The following TMEM220 variants were observed in gnomAD, a reference collection of about 807,000 sequenced individuals.
TMEM220 encodes transmembrane protein 220.
In TMEM220, 21 loss-of-function variants were observed where a neutral mutation model predicts 21.7. That is an observed-to-expected ratio of 0.97 (90% CI 0.69 to 1.39). The LOEUF (loss-of-function observed/expected upper bound fraction) is 1.39. Among genes scored for constraint, TMEM220 ranks in the 40% most tolerant of loss-of-function variants. TMEM220 has a pLI of 0.00. For missense variants in TMEM220, 191 were observed against 201.9 expected (o/e 0.95, Z 0.33); for synonymous variants, 80 against 73.6 (o/e 1.09, Z -0.45).
At chr17:10,725,221 C>A in intron 3 of TMEM220, 87 bp from the exon 4 acceptor site, 1 of 1,553,600 alleles carries the variant, frequency 6.4e-7, no homozygotes, top group South Asian at 1.2e-5. Flanking sequence ...TTGCCATAGT[C>A]TGCTTTCAGA....
downstream of TMEM220, among the ~76,000 whole-genome samples, chr17:10,711,624 T>C (rs1397830711): frequency 2.0e-5 from 3 of 152,216 alleles, no homozygotes; most frequent in Non-Finnish European, 4.4e-5. Flanking sequence ...CAATAGTTAT[T>C]TCACGGGTAA....
At chr17:10,720,222 A>G (rs2074970913) in intron 5 of TMEM220, among the ~76,000 whole-genome samples, 1 of 152,216 alleles carries the variant, frequency 6.6e-6, no homozygotes, top group Non-Finnish European at 1.5e-5. Context: ...TTTATCTCAA[A>G]GACACACTGG....
intron 5 of TMEM220, among the ~76,000 whole-genome samples, chr17:10,718,578 A>G (rs2074951870): frequency 6.6e-6 from 1 of 152,042 alleles, no homozygotes; most frequent in Admixed American, 6.6e-5. Flanking sequence ...TTATGTCTAT[A>G]TGTTTCCCTC....
chr17:10,722,214 C>T (rs546663372), intron 5 of TMEM220, among the ~76,000 whole-genome samples: 68 of 152,224 alleles, frequency 4.5e-4, no homozygotes, highest in African/African-American at 1.4e-3. Flanking sequence ...AGGCTGGTCT[C>T]GAACTCCTGA....
At chr17:10,722,652 GTA>G (rs1045288689) in intron 5 of TMEM220, among the ~76,000 whole-genome samples, 1 of 152,098 alleles carries the variant, frequency 6.6e-6, no homozygotes, top group Non-Finnish European at 1.5e-5. Context: ...TTTCTATCCT[GTA>G]TATGTTTAAT....
intron 2 of TMEM220, among the ~76,000 whole-genome samples, chr17:10,728,141 C>T (rs1490040753): frequency 1.4e-5 from 2 of 146,704 alleles, no homozygotes; most frequent in African/African-American, 5.1e-5. Context: ...GCCTGGGCAA[C>T]AAGAGCAAAA....
rs377002687 is a variant in TMEM220 at position 10,723,251 on chromosome 17, T to C, written c.347+19A>G. 4.7e-5 allele frequency: 76 copies of C among 1,612,334 alleles called. No homozygotes were observed. In the African/African-American group the frequency reaches 9.5e-4, roughly 20 times the overall value. On this transcript the variant is annotated intron_variant, in intron 5 of 5. Transcript: ENST00000341871. The stretch of plus-strand genomic sequence containing the variant: ...GCCTCGGCCTCCCAAAGTGAAGATG[T>C]GATGAGTTGAATACTTACTTTGAGG...
Position 10,726,479 on chromosome 17 carries a change from A to T in TMEM220, c.103-215T>A, listed in dbSNP as rs1280634140. 21 of 575,550 alleles carry T rather than the reference A, an allele frequency of 3.6e-5. No individual in the cohort carries two copies. In the East Asian group the frequency reaches 5.7e-4, roughly 16 times the overall value. 35.7% of individuals were successfully genotyped at this position (575,550 alleles called of 1,614,324 possible). ...ATTTTATCTACCTTCCTCCTAGACT[A>T]TAGGCTATTCCAGAAGCTCATTTAT... is the stretch of plus-strand genomic sequence containing the variant. On this transcript the variant is annotated intron_variant, in intron 2 of 5. Transcript: ENST00000341871.
intron 1 of TMEM220, among the ~76,000 whole-genome samples, chr17:10,729,499 G>C (rs2075095037): frequency 6.6e-6 from 1 of 152,220 alleles, no homozygotes; most frequent in African/African-American, 2.4e-5. Flanking sequence ...GTTAACGCAG[G>C]AGCCAGGGCC....
chr17:10,712,717 C>T (rs1392450680), downstream of TMEM220, among the ~76,000 whole-genome samples: 1 of 152,084 alleles, frequency 6.6e-6, no homozygotes, highest in Non-Finnish European at 1.5e-5. Context: ...GAAGGATATG[C>T]CAAAGTCAGA....
At chr17:10,723,852 A>G (rs1169138634) in intron 4 of TMEM220, among the ~76,000 whole-genome samples, 1 of 152,224 alleles carries the variant, frequency 6.6e-6, no homozygotes, top group African/African-American at 2.4e-5. Flanking sequence ...GGGGGTGGGT[A>G]TATGCTTCTA....
downstream of TMEM220, among the ~76,000 whole-genome samples, chr17:10,711,904 G>A (rs1338924790): frequency 6.6e-6 from 1 of 152,236 alleles, no homozygotes; most frequent in African/African-American, 2.4e-5. Context: ...TTCAGGTGTG[G>A]AGAAAGTTTG....
intron 2 of TMEM220, among the ~76,000 whole-genome samples, chr17:10,727,481 T>C (rs2075061556): frequency 6.6e-6 from 1 of 152,178 alleles, no homozygotes; most frequent in Non-Finnish European, 1.5e-5. Context: ...GGTAGGTCCT[T>C]GGGCATATCT....
rs2075033908 is a variant in TMEM220, at chr17:10,725,076, A to G, written c.222T>C (p.Ala74=). The change falls in exon 4 of 6, where the codon GCT becomes GCC. Residue 74 remains alanine, a synonymous_variant. Coordinates refer to ENST00000341871, the MANE Select transcript of TMEM220 (RefSeq NM_001004313.3). Reference sequence around the variant, plus strand: ...GCAAGAGGTAGGACGCCAAGCCAACAGCCCACACCGTACAAAAGAGTATGT... The same window carrying G: ...GCAAGAGGTAGGACGCCAAGCCAACGGCCCACACCGTACAAAAGAGTATGT... ...AIHILFCTVW[A]VGLASYLLHR... The G allele has an allele frequency of 6.2e-7, 1 of 1,614,230 alleles. No homozygotes were observed.
At position 10,729,028 on chromosome 17, in the gene TMEM220, C is replaced by CA. The variant is rs1430541396; in HGVS notation, c.102+2dup. The CA allele has an allele frequency of 6.2e-7, 1 of 1,614,080 alleles. No individual in the cohort carries two copies. Among genetic ancestry groups the CA allele is most frequent in the Non-Finnish European group, 8.5e-7 (1 of 1,180,030 alleles). ...GGAAAGCCTGGAAGCGGCTCATACT[C>CA]ACCACCCACACCTCTGCATCTGGGT... is the stretch of plus-strand genomic sequence containing the variant. On this transcript the variant is annotated splice_region_variant and intron_variant, in intron 2 of 5. Transcript: ENST00000341871.
chr17:10,725,983 C>T (rs1051741939), intron 3 of TMEM220, among the ~76,000 whole-genome samples: 2 of 152,182 alleles, frequency 1.3e-5, no homozygotes, highest in African/African-American at 4.8e-5. Context: ...AGAATCTGTC[C>T]TCTCACTTCT....
intron 4 of TMEM220, among the ~76,000 whole-genome samples, chr17:10,723,650 G>T (rs1215757447): frequency 6.6e-6 from 1 of 152,100 alleles, no homozygotes; most frequent in African/African-American, 2.4e-5. Context: ...ACTTTTTTCA[G>T]GTCGCTAGAA....
chr17:10,717,076 TTC>T (rs2074930806), intron 5 of TMEM220, among the ~76,000 whole-genome samples: 1 of 151,304 alleles, frequency 6.6e-6, no homozygotes, highest in South Asian at 2.1e-4. Flanking sequence ...ATTTTTTAGA[TTC>T]TTTTTTATTT....
intron 3 of TMEM220, 54 bp from the exon 4 acceptor site, chr17:10,725,188 A>C: frequency 6.2e-7 from 1 of 1,604,464 alleles, no homozygotes. Flanking sequence ...CCACAGAAAA[A>C]AAAAATGATC....
Sources: allele counts gnomAD v4.1 joint callset (sites outside exome capture counted in the v4.1 genomes callset), GRCh38; gene constraint gnomAD v4.1.1; transcripts MANE v1.5; gene names NCBI Gene and HGNC (gene_info 2026-07-23, HGNC 2026-07-21).